Variants in TAF4B observed in about 807,000 individuals in gnomAD.
The protein encoded by TAF4B is TATA-box binding protein associated factor 4b.
TAF4B carries 38 observed loss-of-function variants against 86.4 expected under a neutral mutation model. The observed-to-expected ratio is 0.44, with a 90% CI of 0.34 to 0.58. The LOEUF (loss-of-function observed/expected upper bound fraction) is 0.58, where lower values mean the gene tolerates loss of function less well. TAF4B is among the 20% of genes least tolerant of loss of function. TAF4B has a pLI of 0.02. For missense variants in TAF4B, 988 were observed against 1,027.6 expected, an observed-to-expected ratio of 0.96 and a Z score of 0.53; for synonymous variants, 388 against 391.2, an observed-to-expected ratio of 0.99 and a Z score of 0.10.
Position 26,387,859 on chromosome 18 carries a change from A to C in TAF4B, c.2422-1986A>C, listed in dbSNP as rs1444302066. ...CCTCAAAAACTGGGTAGTATCTCTTAAAGAAGTTTTATTTGTCCGTCAGAT... is the reference window on the plus strand; with the variant it reads ...CCTCAAAAACTGGGTAGTATCTCTTCAAGAAGTTTTATTTGTCCGTCAGAT... On this transcript the variant is annotated intron_variant, in intron 14 of 14. Coordinates refer to ENST00000269142, the MANE Select transcript of TAF4B (RefSeq NM_005640.3). 3.3e-5 allele frequency among the ~76,000 whole-genome samples: 5 copies of C among 152,184 alleles called. No homozygotes were observed. The East Asian group carries it at 9.6e-4, about 29-fold the overall frequency.
chr18:26,301,632 C>T (rs2056734616), intron 9 of TAF4B, among the ~76,000 whole-genome samples: 1 of 152,110 alleles, frequency 6.6e-6, no homozygotes, highest in African/African-American at 2.4e-5. Context: ...TTTCCAATGT[C>T]CGGGTTACCT....
At position 26,230,121 on chromosome 18, in the gene TAF4B, C is replaced by T. The variant is rs61072162; in HGVS notation, c.343+2845C>T. ...AGTAATTTCTTCAGTCTTTTGTGAACATGTGGGGTTTTAGGCTGAACTGTG... is the reference window on the plus strand; with the variant it reads ...AGTAATTTCTTCAGTCTTTTGTGAATATGTGGGGTTTTAGGCTGAACTGTG... On this transcript the variant is annotated intron_variant, in intron 1 of 14. Coordinates refer to ENST00000269142, the MANE Select transcript of TAF4B (RefSeq NM_005640.3). 9.6e-3 allele frequency among the ~76,000 whole-genome samples: 1,466 copies of T among 152,210 alleles called. 12 individuals are homozygous for T. Among genetic ancestry groups the T allele is most frequent in the African/African-American group, 0.033 (1,363 of 41,530 alleles).
chr18:26,292,425 A>G (rs1223505768), intron 8 of TAF4B, 44 bp downstream of exon 8: 4 of 1,567,170 alleles, frequency 2.6e-6, no homozygotes, highest in East Asian at 4.6e-5. Flanking sequence ...GGGTTAGAAC[A>G]TGAAGGGGTT....
chr18:26,261,955 T>C (rs1395480123), intron 1 of TAF4B, among the ~76,000 whole-genome samples: 1 of 152,184 alleles, frequency 6.6e-6, no homozygotes, highest in Non-Finnish European at 1.5e-5. Context: ...CTCTGAGTGA[T>C]ATCCCTGCTC....
chr18:26,375,627 T>A (rs371994833), intron 14 of TAF4B, among the ~76,000 whole-genome samples: 4 of 152,226 alleles, frequency 2.6e-5, no homozygotes, highest in East Asian at 3.8e-4. Context: ...TATCTCATTG[T>A]GGTTTTACTT....
intron 3 of TAF4B, among the ~76,000 whole-genome samples, chr18:26,273,299 A>G (rs1461948757): frequency 6.6e-6 from 1 of 152,104 alleles, no homozygotes; most frequent in East Asian, 1.9e-4. Context: ...TGTTTTTCCA[A>G]AAACCCTTTT....
intron 10 of TAF4B, among the ~76,000 whole-genome samples, chr18:26,318,701 A>T (rs2056934749): frequency 6.6e-6 from 1 of 152,104 alleles, no homozygotes. Context: ...TAAAATGGGA[A>T]TTTTTCTACA....
intron 10 of TAF4B, among the ~76,000 whole-genome samples, chr18:26,317,481 A>G (rs1380276281): frequency 6.6e-6 from 1 of 152,200 alleles, no homozygotes; most frequent in Non-Finnish European, 1.5e-5. Context: ...TGTAGGTTAT[A>G]TGGTTTCTGT....
At chr18:26,295,342 C>T (rs1463811878) in intron 9 of TAF4B, 1 of 193,540 alleles carries the variant, frequency 5.2e-6, no homozygotes, top group Non-Finnish European at 1.1e-5. Context: ...TCATTGGTCC[C>T]TAACATTTTT....
Position 26,285,979 on chromosome 18 carries a change from G to A in TAF4B, c.1070G>A (p.Cys357Tyr). ...QTSSDMVIATCTTTVTTSPVV... is the reference protein window; with the variant it reads ...QTSSDMVIATYTTTVTTSPVV... ...TCTAGTGACATGGTCATTGCTACCT[G>A]TACTACAACAGTAACAACTTCTCCT... Residue 357 changes from cysteine to tyrosine, a missense_variant, in exon 7 of 15, where the codon TGT becomes TAT. This residue lies in a region of TAF4B where 747 missense variants were observed against 737.9 expected (regional missense o/e 1.01). Transcript: ENST00000269142. The A allele has an allele frequency of 6.2e-7, 1 of 1,614,214 alleles. No homozygotes were observed.
At chr18:26,232,281 C>G (rs1018293696) in intron 1 of TAF4B, among the ~76,000 whole-genome samples, 1 of 152,082 alleles carries the variant, frequency 6.6e-6, no homozygotes, top group African/African-American at 2.4e-5. Context: ...GATGACCGCT[C>G]TAGTTACTTC....
At chr18:26,233,781 A>G (rs1293783931) in intron 1 of TAF4B, among the ~76,000 whole-genome samples, 1 of 152,202 alleles carries the variant, frequency 6.6e-6, no homozygotes, top group East Asian at 1.9e-4. Flanking sequence ...CAGACCAACA[A>G]GTATTGAAAT....
chr18:26,235,737 C>G (rs1299420564), intron 1 of TAF4B, among the ~76,000 whole-genome samples: 1 of 152,154 alleles, frequency 6.6e-6, no homozygotes, highest in African/African-American at 2.4e-5. Context: ...CAGAAGAAGG[C>G]ATCCTTGAGG....
At chr18:26,377,916 C>T (rs1340054201) in intron 14 of TAF4B, among the ~76,000 whole-genome samples, 1 of 152,118 alleles carries the variant, frequency 6.6e-6, no homozygotes, top group Non-Finnish European at 1.5e-5. Context: ...AAAGTATGTA[C>T]ATTTGTCCTT....
chr18:26,262,670 G>A (rs1455860067), intron 1 of TAF4B, among the ~76,000 whole-genome samples: 1 of 151,966 alleles, frequency 6.6e-6, no homozygotes, highest in African/African-American at 2.4e-5. Flanking sequence ...TAGTAGAGAC[G>A]GGGATTCACC....
chr18:26,381,103 C>T (rs1248955119), intron 14 of TAF4B, among the ~76,000 whole-genome samples: 1 of 152,078 alleles, frequency 6.6e-6, no homozygotes, highest in Non-Finnish European at 1.5e-5. Flanking sequence ...CAGCCTCGAC[C>T]TCCCAGGTTC....
intron 13 of TAF4B, among the ~76,000 whole-genome samples, chr18:26,356,820 C>G (rs1235355796): frequency 6.9e-6 from 1 of 145,268 alleles, no homozygotes; most frequent in Non-Finnish European, 1.5e-5. Context: ...AACAGAATAC[C>G]TAATTTGACA....
intron 1 of TAF4B, among the ~76,000 whole-genome samples, chr18:26,227,543 G>A (rs546501749): frequency 2.0e-5 from 3 of 152,226 alleles, no homozygotes; most frequent in Non-Finnish European, 4.4e-5. Flanking sequence ...AGGTGGAGGA[G>A]ATAATATAGC....
At chr18:26,281,787 A>G (rs2056452772) in intron 5 of TAF4B, among the ~76,000 whole-genome samples, 184 bp from the exon 6 acceptor site, 1 of 152,204 alleles carries the variant, frequency 6.6e-6, no homozygotes, top group African/African-American at 2.4e-5. Flanking sequence ...TGTATTCTCT[A>G]TGAATAAACA....
Sources: gnomAD v4.1 joint callset for allele counts (sites outside exome capture counted in the v4.1 genomes callset) on GRCh38, gnomAD v4.1.1 for gene constraint, gnomAD v4.1.1 regional missense constraint, MANE v1.5 for transcripts, NCBI Gene and HGNC (gene_info 2026-07-23, HGNC 2026-07-21) for gene names.